The following NRXN3 variants were observed in gnomAD, a reference collection of about 807,000 sequenced individuals.
NRXN3 encodes the protein neurexin 3.
Under a neutral mutation model 137.6 loss-of-function variants are expected in NRXN3, and 32 were observed. The observed-to-expected ratio is 0.23, with a 90% confidence interval of 0.18 to 0.31. NRXN3 has a LOEUF of 0.31. Among genes scored for constraint, NRXN3 ranks in the 10% least tolerant of loss-of-function variants. The pLI is 1.00. For synonymous variants in NRXN3, 798 were observed against 784.5 expected, an observed-to-expected ratio of 1.02 and a Z score of -0.29; for missense variants, 1,574 against 2,062.5, an observed-to-expected ratio of 0.76 and a Z score of 4.59.
At chr14:79,229,417 A>G (rs565242461) in intron 15 of NRXN3, among the ~76,000 whole-genome samples, 1 of 152,192 alleles carries the variant, frequency 6.6e-6, no homozygotes, top group Non-Finnish European at 1.5e-5. Flanking sequence ...TTCAGTGTAA[A>G]GTGCCATCCA....
intron 16 of NRXN3, among the ~76,000 whole-genome samples, chr14:79,495,634 A>C (rs1318177313): frequency 6.6e-6 from 1 of 152,218 alleles, no homozygotes; most frequent in African/African-American, 2.4e-5. Context: ...TCCTTACAAC[A>C]ACCCTGTGAT....
intron 8 of NRXN3, among the ~76,000 whole-genome samples, chr14:78,750,137 A>G (rs914964805): frequency 6.6e-6 from 1 of 152,218 alleles, no homozygotes; most frequent in Non-Finnish European, 1.5e-5. Flanking sequence ...GATAAAGCCC[A>G]CCACTGCAAA....
At chr14:79,545,733 G>A (rs1033049727) in intron 16 of NRXN3, among the ~76,000 whole-genome samples, 3 of 151,376 alleles carry the variant, frequency 2.0e-5, no homozygotes, top group Non-Finnish European at 4.4e-5. Flanking sequence ...GTAATATATA[G>A]CCTCTTCCTC....
At chr14:79,802,060 A>T (rs989183031) in intron 19 of NRXN3, among the ~76,000 whole-genome samples, 4 of 151,722 alleles carry the variant, frequency 2.6e-5, no homozygotes, top group Non-Finnish European at 5.9e-5. Context: ...AAAAAAAAAA[A>T]TTACATTTCT....
intron 15 of NRXN3, among the ~76,000 whole-genome samples, chr14:79,160,974 T>C (rs1180863718): frequency 6.6e-6 from 1 of 151,948 alleles, no homozygotes; most frequent in Admixed American, 6.6e-5. Flanking sequence ...AGTGAATCTA[T>C]GGAAAAGGAA....
chr14:79,326,627 T>C (rs1373124452), intron 15 of NRXN3, among the ~76,000 whole-genome samples: 1 of 152,194 alleles, frequency 6.6e-6, no homozygotes, highest in African/African-American at 2.4e-5. Flanking sequence ...CTTGGTCCGT[T>C]TCTGTCTCTT....
chr14:78,473,586 A>G (rs1229047153), intron 4 of NRXN3, among the ~76,000 whole-genome samples: 28 of 152,224 alleles, frequency 1.8e-4, no homozygotes, highest in Admixed American at 1.5e-3. Flanking sequence ...AGCTACTGCT[A>G]TGTAGCAAAT....
intron 19 of NRXN3, among the ~76,000 whole-genome samples, chr14:79,794,262 G>A (rs1471500991): frequency 6.6e-6 from 1 of 152,116 alleles, no homozygotes; most frequent in African/African-American, 2.4e-5. Flanking sequence ...TACTTGGGAG[G>A]CTGAGGCAGA....
At chr14:79,437,855 C>G (rs1024336108) in intron 15 of NRXN3, among the ~76,000 whole-genome samples, 2 of 152,156 alleles carry the variant, frequency 1.3e-5, no homozygotes, top group Non-Finnish European at 2.9e-5. Context: ...TCATGCTGTC[C>G]TCAAATGTAA....
intron 3 of NRXN3, among the ~76,000 whole-genome samples, chr14:78,295,426 T>C (rs1272189526): frequency 6.6e-6 from 1 of 152,200 alleles, no homozygotes; most frequent in Admixed American, 6.5e-5. Flanking sequence ...ACCTGATAAG[T>C]ACATATTTGA....
At chr14:79,101,915 A>G (rs1568293630) in intron 15 of NRXN3, among the ~76,000 whole-genome samples, 1 of 152,206 alleles carries the variant, frequency 6.6e-6, no homozygotes, top group South Asian at 2.1e-4. Context: ...AGAGAGTGCC[A>G]TGAGAAGATA....
At chr14:78,374,152 C>T (rs538936711) in intron 4 of NRXN3, among the ~76,000 whole-genome samples, 6 of 152,126 alleles carry the variant, frequency 3.9e-5, no homozygotes, top group East Asian at 1.9e-4. Context: ...TAACTAATAC[C>T]GTAAATATTA....
chr14:79,797,274 G>A (rs1468987893), intron 19 of NRXN3, among the ~76,000 whole-genome samples: 1 of 152,148 alleles, frequency 6.6e-6, no homozygotes, highest in Non-Finnish European at 1.5e-5. Context: ...GAGCAAGTAA[G>A]TTATGCATGT....
At chr14:79,163,720 A>T (rs1596659067) in intron 15 of NRXN3, among the ~76,000 whole-genome samples, 1 of 152,074 alleles carries the variant, frequency 6.6e-6, no homozygotes, top group East Asian at 1.9e-4. Flanking sequence ...TGCTTAACTC[A>T]TTACAGAAAA....
At chr14:78,533,343 C>A (rs959405343) in intron 4 of NRXN3, among the ~76,000 whole-genome samples, 3 of 152,114 alleles carry the variant, frequency 2.0e-5, no homozygotes, top group African/African-American at 7.2e-5. Flanking sequence ...GCCTCAGCCT[C>A]CCAACCTCCA....
At chr14:78,646,705 A>G (rs1310953576) in intron 5 of NRXN3, among the ~76,000 whole-genome samples, 2 of 152,238 alleles carry the variant, frequency 1.3e-5, no homozygotes, top group African/African-American at 2.4e-5. Flanking sequence ...AAATGACACA[A>G]GACTTAGAGT....
intron 4 of NRXN3, among the ~76,000 whole-genome samples, chr14:78,481,312 A>T (rs576114415): frequency 6.6e-6 from 1 of 152,238 alleles, no homozygotes; most frequent in African/African-American, 2.4e-5. Context: ...TTATCAAGTT[A>T]ACTGTCCACT....
chr14:79,264,141 G>A (rs552679421), intron 15 of NRXN3, among the ~76,000 whole-genome samples: 7 of 152,226 alleles, frequency 4.6e-5, no homozygotes, highest in African/African-American at 1.7e-4. Context: ...AGGCTAGAGT[G>A]CAGTGGTGAC....
intron 1 of NRXN3, among the ~76,000 whole-genome samples, chr14:78,227,358 A>C (rs1354802522): frequency 6.6e-6 from 1 of 152,078 alleles, no homozygotes; most frequent in Non-Finnish European, 1.5e-5. Context: ...GAAAAAAAAA[A>C]CACCTTATTT....
Sources: allele counts gnomAD v4.1 joint callset (sites outside exome capture counted in the v4.1 genomes callset), GRCh38; gene constraint gnomAD v4.1.1; transcripts MANE v1.5; gene names NCBI Gene and HGNC (gene_info 2026-07-23, HGNC 2026-07-21).